PLEKHM3: variants seen among roughly 807,000 people sequenced by gnomAD.
PLEKHM3 encodes pleckstrin homology domain-containing family M member 3.
In PLEKHM3, 45 loss-of-function variants were observed where a neutral mutation model predicts 81.8. The observed-to-expected ratio is 0.55, with a 90% CI of 0.43 to 0.71. The LOEUF (loss-of-function observed/expected upper bound fraction) is 0.71. Ranked by LOEUF, PLEKHM3 falls within the 30% of genes least tolerant of loss-of-function variation. The pLI, the probability that PLEKHM3 is intolerant of heterozygous loss-of-function variation, is 0.00. For synonymous variants in PLEKHM3, 352 were observed against 356.4 expected (o/e 0.99, Z 0.14); for missense variants, 788 against 924.3 (o/e 0.85, Z 1.91).
chr2:208,024,142 C>CAAAATAAAATAAAATAAAAT (rs57377948), intron 1 of PLEKHM3, among the ~76,000 whole-genome samples: 1,652 of 137,754 alleles, frequency 0.012, 19 homozygotes, highest in African/African-American at 0.031. Context: ...GACCCTGTCT[C>CAAAATAAAATAAAATAAAAT]AAAATAAAAT....
intron 3 of PLEKHM3, among the ~76,000 whole-genome samples, chr2:207,960,919 A>G (rs1690708780): frequency 6.6e-6 from 1 of 152,172 alleles, no homozygotes; most frequent in Non-Finnish European, 1.5e-5. Context: ...CTGGGGGAAA[A>G]AATTGCAGTG....
chr2:208,002,146 C>T (rs1011214928), intron 1 of PLEKHM3, among the ~76,000 whole-genome samples, 189 bp from the exon 2 acceptor site: 3 of 152,174 alleles, frequency 2.0e-5, no homozygotes, highest in Admixed American at 6.5e-5. Flanking sequence ...AAAACTTACA[C>T]GGAGCAGGGA....
At chr2:207,860,359 T>C (rs977109222) in intron 7 of PLEKHM3, among the ~76,000 whole-genome samples, 4 of 152,122 alleles carry the variant, frequency 2.6e-5, no homozygotes, top group Admixed American at 1.3e-4. Flanking sequence ...GCTTCAACTC[T>C]CCCTGGCTGT....
At chr2:208,008,569 C>A (rs1692584386) in intron 1 of PLEKHM3, among the ~76,000 whole-genome samples, 1 of 149,696 alleles carries the variant, frequency 6.7e-6, no homozygotes, top group African/African-American at 2.5e-5. Context: ...CCTACTTATA[C>A]CTTACAACCT....
intron 7 of PLEKHM3, among the ~76,000 whole-genome samples, chr2:207,839,978 C>A (rs1378138292): frequency 6.6e-6 from 1 of 152,156 alleles, no homozygotes; most frequent in Non-Finnish European, 1.5e-5. Context: ...TCCCTCTAGA[C>A]TTAGTGAATC....
chr2:208,017,141 A>G (rs573134729), intron 1 of PLEKHM3, among the ~76,000 whole-genome samples: 1 of 152,250 alleles, frequency 6.6e-6, no homozygotes, highest in South Asian at 2.1e-4. Flanking sequence ...TTTTTGATCC[A>G]TGGTTGGTTG....
At chr2:207,997,098 A>G (rs1169157083) in intron 2 of PLEKHM3, among the ~76,000 whole-genome samples, 1 of 152,180 alleles carries the variant, frequency 6.6e-6, no homozygotes, top group Non-Finnish European at 1.5e-5. Flanking sequence ...AAAGTTGGAA[A>G]CCCTGGCAGT....
chr2:207,884,870 GAT>G (rs1436215894), intron 6 of PLEKHM3, among the ~76,000 whole-genome samples: 1 of 152,222 alleles, frequency 6.6e-6, no homozygotes, highest in African/African-American at 2.4e-5. Flanking sequence ...ATATTAGTCT[GAT>G]AGGCCTGCTC....
At position 207,976,532 on chromosome 2, in the gene PLEKHM3, C is replaced by G; in HGVS notation, c.1546+119G>C. The stretch of plus-strand genomic sequence containing the variant: ...ACAGTAAGCTTCTCGAGGAGAGATA[C>G]TTTTTATAAACAGGAGATAGCTGTG... On this transcript the variant is annotated intron_variant, in intron 3 of 7. Transcript: ENST00000427836. The surrounding 1 kb of genome is among the most constrained non-coding windows in gnomAD (Gnocchi z 4.1). 1.0e-6 allele frequency: 1 copy of G among 985,160 alleles called. No individual in the cohort carries two copies. Among genetic ancestry groups the G allele is most frequent in the Non-Finnish European group, 1.5e-6 (1 of 682,478 alleles). 61.0% of individuals were successfully genotyped at this position (985,160 alleles called of 1,614,324 possible).
chr2:207,999,003 T>C (rs1282027483), intron 2 of PLEKHM3, among the ~76,000 whole-genome samples: 1 of 152,116 alleles, frequency 6.6e-6, no homozygotes, highest in Non-Finnish European at 1.5e-5. Context: ...CTTTTTTTTT[T>C]TTGAGACAGA....
At position 207,877,004 on chromosome 2, in the gene PLEKHM3, C is replaced by T. The variant is rs1246546820; in HGVS notation, c.1951-15742G>A. Among the ~76,000 whole-genome samples, 3 of 152,050 alleles carry T rather than the reference C, an allele frequency of 2.0e-5. No individual in the cohort carries two copies. The East Asian group carries it at 5.8e-4, about 29-fold the overall frequency. On this transcript the variant is annotated intron_variant, in intron 6 of 7. Transcript: ENST00000427836. ...GTACTGTGCCAAGGAAGTATATTAC[C>T]CAATCTGAAGATTTTTTACCACTTA...
At chr2:207,850,870 C>T (rs1031131784) in intron 7 of PLEKHM3, among the ~76,000 whole-genome samples, 1 of 152,168 alleles carries the variant, frequency 6.6e-6, no homozygotes, top group Non-Finnish European at 1.5e-5. Flanking sequence ...TAGAGCCCTT[C>T]CTGGCCAGGC....
At chr2:207,928,909 T>A (rs1375960333) in intron 5 of PLEKHM3, among the ~76,000 whole-genome samples, 4 of 152,234 alleles carry the variant, frequency 2.6e-5, no homozygotes, top group Non-Finnish European at 5.9e-5. Context: ...CAACTATTTT[T>A]GAGTGTTTTG....
intron 4 of PLEKHM3, among the ~76,000 whole-genome samples, chr2:207,935,569 C>A (rs1689724002): frequency 6.6e-6 from 1 of 152,170 alleles, no homozygotes; most frequent in Non-Finnish European, 1.5e-5. Context: ...TTTGGTAATG[C>A]TCCATGGAAT....
chr2:208,012,803 T>C (rs1435882669), intron 1 of PLEKHM3, among the ~76,000 whole-genome samples: 2 of 152,268 alleles, frequency 1.3e-5, no homozygotes, highest in Non-Finnish European at 2.9e-5. Context: ...AGCACAAATG[T>C]GGACAAAGTA....
At chr2:207,975,582 CTTTTTTTTTTTTTTT>C (rs11350409) in intron 3 of PLEKHM3, among the ~76,000 whole-genome samples, 3 of 63,008 alleles carry the variant, frequency 4.8e-5, no homozygotes, top group African/African-American at 1.3e-4. Context: ...GTTTTAAAAG[CTTTTTTTTTTTTTTT>C]TTTTTTTTTT....
At chr2:207,922,274 C>T (rs1689208296) in intron 5 of PLEKHM3, among the ~76,000 whole-genome samples, 1 of 152,136 alleles carries the variant, frequency 6.6e-6, no homozygotes, top group African/African-American at 2.4e-5. Flanking sequence ...TCTGCCCTAC[C>T]TATCTAAAAG....
At chr2:207,899,070 G>T (rs1019309617) in intron 6 of PLEKHM3, among the ~76,000 whole-genome samples, 22 of 152,168 alleles carry the variant, frequency 1.4e-4, no homozygotes, top group Non-Finnish European at 3.1e-4. Flanking sequence ...TTGAAAAGCT[G>T]CAAGTTCCAA....
rs867340650 is a variant in PLEKHM3 at position 207,949,410 on chromosome 2, A to G, written c.1547-2898T>C. ...AAAAAAATTAGTGAGGTGTGGTGGCATGGGCCTGTAATCCCAGCTACTGGA... is the reference window on the plus strand; with the variant it reads ...AAAAAAATTAGTGAGGTGTGGTGGCGTGGGCCTGTAATCCCAGCTACTGGA... On this transcript the variant is annotated intron_variant, in intron 3 of 7. Coordinates refer to ENST00000427836, the MANE Select transcript of PLEKHM3 (RefSeq NM_001080475.3). Among the ~76,000 whole-genome samples the G allele has an allele frequency of 2.0e-5, 3 of 152,300 alleles. No individual in the cohort carries two copies. The South Asian group carries it at 6.2e-4, about 32-fold the overall frequency.
Sources: gnomAD v4.1 joint callset for allele counts (sites outside exome capture counted in the v4.1 genomes callset) on GRCh38, gnomAD v4.1.1 for gene constraint, Gnocchi (gnomAD v3.1) non-coding constraint, MANE v1.5 for transcripts, NCBI Gene and HGNC (gene_info 2026-07-23, HGNC 2026-07-21) for gene names.